The following TOP1 variants were observed in gnomAD, a reference collection of about 807,000 sequenced individuals.
TOP1 encodes the protein DNA topoisomerase I.
A neutral mutation model predicts 111.1 loss-of-function variants in TOP1; 10 were observed. That is an observed-to-expected ratio of 0.09 (90% confidence interval 0.06 to 0.15). TOP1 has a LOEUF of 0.15. Among genes scored for constraint, TOP1 ranks in the 10% least tolerant of loss-of-function variants. The pLI, the probability that TOP1 is intolerant of heterozygous loss-of-function variation, is 1.00. For missense variants in TOP1, 474 were observed against 926.7 expected (o/e 0.51, Z 6.34); for synonymous variants, 271 against 302.9 (o/e 0.89, Z 1.10).
intron 2 of TOP1, among the ~76,000 whole-genome samples, chr20:41,031,373 T>A (rs1177236187): frequency 6.6e-6 from 1 of 152,220 alleles, no homozygotes; most frequent in Non-Finnish European, 1.5e-5. Context: ...GTAGGTAATG[T>A]AAGTAATGAA....
chr20:41,085,721 C>T (rs1013087230), intron 8 of TOP1, among the ~76,000 whole-genome samples: 1 of 152,266 alleles, frequency 6.6e-6, no homozygotes, highest in East Asian at 1.9e-4. Flanking sequence ...GCCTTCCAAA[C>T]CTGTTTATGT....
chr20:41,072,889 A>G (rs1600572694), intron 3 of TOP1: 1 of 985,428 alleles, frequency 1.0e-6, no homozygotes, highest in Non-Finnish European at 1.2e-6. Context: ...TCTTATGCCT[A>G]AACAGTTAGG....
In TOP1 at chr20:41,114,171, T is replaced by G. The variant is rs1170562279; in HGVS notation, c.1638+16T>G. The G allele has an allele frequency of 1.3e-6, 2 of 1,596,544 alleles. No homozygotes were observed. Among genetic ancestry groups the G allele is most frequent in the Non-Finnish European group, 1.7e-6 (2 of 1,168,082 alleles). On this transcript the variant is annotated intron_variant, in intron 15 of 20. Coordinates refer to ENST00000361337, the MANE Select transcript of TOP1 (RefSeq NM_003286.4). This position sits in a 1 kb window ranked among gnomAD's most constrained non-coding sequence, Gnocchi z 4.5. ...TGAGAAACGAGTAAGTTAATGTACC[T>G]GTACTGTCTGACTTGTTTTCCATTA...
At chr20:41,107,656 A>G (rs2145958987) in intron 13 of TOP1, among the ~76,000 whole-genome samples, 1 of 152,260 alleles carries the variant, frequency 6.6e-6, no homozygotes, top group Middle Eastern at 3.4e-3. Context: ...AAGTCTTTGT[A>G]AGATTGTTCT....
rs922832172 is a variant in TOP1, at chr20:41,079,742, T to C, written c.336-343T>C. ...TCAGATTGTGGGGTCAAATATATGG[T>C]AGGTTTCCATGTAAGGCAAGAAAAC... On this transcript the variant is annotated intron_variant, in intron 5 of 20. Coordinates refer to ENST00000361337, the MANE Select transcript of TOP1 (RefSeq NM_003286.4). The surrounding 1 kb of genome is among the most constrained non-coding windows in gnomAD (Gnocchi z 4.0). Among the ~76,000 whole-genome samples, 1 of 152,200 alleles carries C rather than the reference T, an allele frequency of 6.6e-6. No individual in the cohort carries two copies. Among genetic ancestry groups the C allele is most frequent in the African/African-American group, 2.4e-5 (1 of 41,436 alleles).
intron 13 of TOP1, among the ~76,000 whole-genome samples, chr20:41,104,007 T>C (rs1198653081): frequency 6.6e-6 from 1 of 152,196 alleles, no homozygotes; most frequent in Non-Finnish European, 1.5e-5. Flanking sequence ...CCTGTAAATC[T>C]TGCTGAAATG....
In TOP1 at chr20:41,092,226, A is replaced by G. The variant is rs982706234; in HGVS notation, c.615-246A>G. Among the ~76,000 whole-genome samples, 1 of 152,204 alleles carries G rather than the reference A, an allele frequency of 6.6e-6. No individual in the cohort carries two copies. The highest frequency in any genetic ancestry group is 1.5e-5 in the Non-Finnish European group (1 of 68,044). On this transcript the variant is annotated intron_variant, in intron 8 of 20. Coordinates refer to ENST00000361337, the MANE Select transcript of TOP1 (RefSeq NM_003286.4). The surrounding 1 kb of genome is among the most constrained non-coding windows in gnomAD (Gnocchi z 4.3). ...TCATTGTTGATCTCTTCTGTCCAGT[A>G]TTCTTAAACTGAGCTGTTGAAATGT...
In TOP1 at chr20:41,094,675, G is replaced by A. The variant is rs897353547; in HGVS notation, c.730+2088G>A. Among the ~76,000 whole-genome samples the A allele has an allele frequency of 6.6e-6, 1 of 152,154 alleles. No homozygotes were observed. The highest frequency in any genetic ancestry group is 1.5e-5 in the Non-Finnish European group (1 of 68,026). On this transcript the variant is annotated intron_variant, in intron 9 of 20. Coordinates refer to ENST00000361337, the MANE Select transcript of TOP1 (RefSeq NM_003286.4). This position sits in a 1 kb window ranked among gnomAD's most constrained non-coding sequence, Gnocchi z 4.4. Reference sequence around the variant, plus strand: ...GAACTCTTACTCTGCAGTAAGTCAAGAAGTCATATTTGACTTTACTTCAAA... The same window carrying A: ...GAACTCTTACTCTGCAGTAAGTCAAAAAGTCATATTTGACTTTACTTCAAA...
intron 18 of TOP1, among the ~76,000 whole-genome samples, chr20:41,120,326 C>A (rs2034402023): frequency 6.6e-6 from 1 of 152,210 alleles, no homozygotes. Flanking sequence ...GATCCTCTCA[C>A]AATGGTGGCC....
In TOP1 at chr20:41,079,197, G is replaced by A. The variant is rs550861104; in HGVS notation, c.336-888G>A. 3.9e-5 allele frequency among the ~76,000 whole-genome samples: 6 copies of A among 152,232 alleles called. No homozygotes were observed. The highest frequency in any genetic ancestry group is 2.1e-4 in the South Asian group (1 of 4,822). On this transcript the variant is annotated intron_variant, in intron 5 of 20. Coordinates refer to ENST00000361337, the MANE Select transcript of TOP1 (RefSeq NM_003286.4). This position sits in a 1 kb window ranked among gnomAD's most constrained non-coding sequence, Gnocchi z 4.0. ...TGTGAATATACTTTGCAGTGGGGTCGGGATTCTTAATCCTTGGATCCCTCC... is the reference window on the plus strand; with the variant it reads ...TGTGAATATACTTTGCAGTGGGGTCAGGATTCTTAATCCTTGGATCCCTCC...
chr20:41,090,772 C>T (rs1021565108), intron 8 of TOP1, among the ~76,000 whole-genome samples: 1 of 152,152 alleles, frequency 6.6e-6, no homozygotes, highest in Non-Finnish European at 1.5e-5. Flanking sequence ...TCCCAAAGTG[C>T]GGAGATTACA....
chr20:41,107,238 G>A (rs1310588591), intron 13 of TOP1, among the ~76,000 whole-genome samples: 1 of 152,176 alleles, frequency 6.6e-6, no homozygotes, highest in Admixed American at 6.5e-5. Flanking sequence ...CTTTTAATCT[G>A]AGGACTAATG....
In TOP1 at chr20:41,097,370, GTA is replaced by G. The variant is rs753052800; in HGVS notation, c.852+30_852+31del. The G allele has an allele frequency of 3.2e-6, 5 of 1,575,110 alleles. No individual in the cohort carries two copies. Among genetic ancestry groups the G allele is most frequent in the Non-Finnish European group, 3.4e-6 (4 of 1,164,644 alleles). On this transcript the variant is annotated intron_variant, in intron 10 of 20. Coordinates refer to ENST00000361337, the MANE Select transcript of TOP1 (RefSeq NM_003286.4). This position sits in a 1 kb window ranked among gnomAD's most constrained non-coding sequence, Gnocchi z 4.2. ...CTGTAGCCCATGTGTTAATATCCTA[GTA>G]CCTTGCAAAACAATCAAGTACTAAG...
chr20:41,123,847 C>T lies in TOP1; in HGVS notation c.*550C>T, dbSNP rs1404602748. 6 of 232,542 alleles carry T rather than the reference C, an allele frequency of 2.6e-5. No homozygotes were observed. The highest frequency in any genetic ancestry group is 6.1e-5 in the East Asian group (1 of 16,414). 14.4% of individuals were successfully genotyped at this position (232,542 alleles called of 1,614,324 possible). A position where few individuals can be genotyped will look rare whatever the true frequency, so the allele number is the denominator to read the frequency against. ...CAATTTTCATTAAACTTGAAGCAGT[C>T]GTGGCTTTGGCAGTGTTTTGGTTCA... On this transcript the variant is annotated 3_prime_UTR_variant, in exon 21 of 21. Transcript: ENST00000361337. This position sits in a 1 kb window ranked among gnomAD's most constrained non-coding sequence, Gnocchi z 5.8.
In TOP1 at chr20:41,067,498, C is replaced by A. The variant is rs992166716; in HGVS notation, c.155+6008C>A. Among the ~76,000 whole-genome samples the A allele has an allele frequency of 6.6e-6, 1 of 152,160 alleles. No individual in the cohort carries two copies. The highest frequency in any genetic ancestry group is 6.5e-5 in the Admixed American group (1 of 15,282). On this transcript the variant is annotated intron_variant, in intron 3 of 20. Transcript: ENST00000361337. This position sits in a 1 kb window ranked among gnomAD's most constrained non-coding sequence, Gnocchi z 4.0. The stretch of plus-strand genomic sequence containing the variant: ...AAATAGTTTAGGGTTTCTTCGATTT[C>A]TTCTGTAGCAGATTAAAGAAATCTG...
At chr20:41,033,840 G>A (rs762442041) in intron 2 of TOP1, among the ~76,000 whole-genome samples, 5 of 152,188 alleles carry the variant, frequency 3.3e-5, no homozygotes, top group African/African-American at 4.8e-5. Flanking sequence ...TGTGTTTTGT[G>A]AGGGATTGCA....
rs1386656810 is a variant in TOP1, at chr20:41,082,363, G to A, written c.507+1123G>A. On this transcript the variant is annotated intron_variant, in intron 7 of 20. Transcript: ENST00000361337. The surrounding 1 kb of genome is among the most constrained non-coding windows in gnomAD (Gnocchi z 4.1). ...CATTTAATCCTTACAACCTGAATAG[G>A]TTGTTACATCCCTATTATCATCTCC... Among the ~76,000 whole-genome samples, 2 of 152,122 alleles carry A rather than the reference G, an allele frequency of 1.3e-5. No homozygotes were observed. The highest frequency in any genetic ancestry group is 2.9e-5 in the Non-Finnish European group (2 of 68,022).
chr20:41,059,143 G>A (rs1306949696), intron 2 of TOP1, among the ~76,000 whole-genome samples: 1 of 152,020 alleles, frequency 6.6e-6, no homozygotes, highest in African/African-American at 2.4e-5. Context: ...ACATGTAGGG[G>A]AACAGCAGAT....
chr20:41,077,605 A>C lies in TOP1; in HGVS notation c.303A>C (p.Lys101Asn). Residue 101 changes from lysine to asparagine, a missense_variant, in exon 5 of 21, where the codon AAA (lysine) becomes AAC (asparagine). Transcript: ENST00000361337. ...AGGTTCGAGCCTCTGGGGATGCAAAAATAAAGAAGGAGAAGGAAAATGGCT... is the reference window on the plus strand; with the variant it reads ...AGGTTCGAGCCTCTGGGGATGCAAACATAAAGAAGGAGAAGGAAAATGGCT... ...EEKVRASGDA[K>N]IKKEKENGFS... 6.2e-7 allele frequency: 1 copy of C among 1,614,094 alleles called. No individual in the cohort carries two copies. The highest frequency in any genetic ancestry group is 8.5e-7 in the Non-Finnish European group (1 of 1,179,956).
Sources: allele counts gnomAD v4.1 joint callset (sites outside exome capture counted in the v4.1 genomes callset), GRCh38; gene constraint gnomAD v4.1.1; non-coding constraint Gnocchi (gnomAD v3.1); transcripts MANE v1.5; gene names NCBI Gene and HGNC (gene_info 2026-07-23, HGNC 2026-07-21).